NXN: variants seen among roughly 807,000 people sequenced by gnomAD.
NXN encodes nucleoredoxin 1.
Under a neutral mutation model 48.6 loss-of-function variants are expected in NXN, and 16 were observed. That is an observed-to-expected ratio of 0.33 (90% CI 0.22 to 0.50). The LOEUF is 0.50. Among genes scored for constraint, NXN ranks in the 20% least tolerant of loss-of-function variants. NXN has a pLI of 0.98. For synonymous variants in NXN, 281 were observed against 269.6 expected (o/e 1.04, Z -0.41); for missense variants, 492 against 605.5 (o/e 0.81, Z 1.97).
intron 5 of NXN, among the ~76,000 whole-genome samples, chr17:817,852 T>G (rs984094130): frequency 6.6e-6 from 1 of 152,102 alleles, no homozygotes; most frequent in Admixed American, 6.6e-5. Context: ...AGAACGCGTT[T>G]AACTCAGACT....
chr17:934,037 TA>T (rs1206643147), intron 1 of NXN, among the ~76,000 whole-genome samples: 2 of 152,254 alleles, frequency 1.3e-5, no homozygotes, highest in Non-Finnish European at 2.9e-5. Flanking sequence ...AATTAATTTT[TA>T]AAAAGGCATT....
chr17:955,869 T>C (rs1396027064), intron 1 of NXN, among the ~76,000 whole-genome samples: 1 of 148,552 alleles, frequency 6.7e-6, no homozygotes, highest in Admixed American at 6.8e-5. Flanking sequence ...GCCACTGCAC[T>C]CCAGCCTGGG....
intron 1 of NXN, among the ~76,000 whole-genome samples, chr17:957,996 C>T (rs2069190872): frequency 6.6e-6 from 1 of 152,154 alleles, no homozygotes; most frequent in Non-Finnish European, 1.5e-5. Context: ...GGAGCACGGG[C>T]AGCCCCCATC....
At chr17:803,976 T>C (rs1911346023) in intron 6 of NXN, 170 bp from the exon 7 acceptor site, 2 of 757,990 alleles carry the variant, frequency 2.6e-6, no homozygotes, top group Non-Finnish European at 4.2e-6. Flanking sequence ...TGCATGGGTG[T>C]GTGTGCACAT....
chr17:813,224 C>T (rs928956068), intron 5 of NXN, among the ~76,000 whole-genome samples: 1 of 152,242 alleles, frequency 6.6e-6, no homozygotes, highest in Non-Finnish European at 1.5e-5. Context: ...GTATTTCGGC[C>T]CAGCCTGGCC....
chr17:864,398 C>G (rs1486156435), intron 1 of NXN, among the ~76,000 whole-genome samples: 6 of 152,322 alleles, frequency 3.9e-5, no homozygotes, highest in African/African-American at 1.2e-4. Context: ...CATCTGTGTT[C>G]CCTAGTTCCA....
intron 1 of NXN, among the ~76,000 whole-genome samples, chr17:887,727 A>G (rs1222668501): frequency 6.6e-6 from 1 of 152,034 alleles, no homozygotes; most frequent in African/African-American, 2.4e-5. Flanking sequence ...GCTGGCCCCT[A>G]TGGCTTGAGG....
chr17:877,438 G>A (rs966044356), intron 1 of NXN, among the ~76,000 whole-genome samples: 8 of 152,116 alleles, frequency 5.3e-5, no homozygotes, highest in African/African-American at 9.7e-5. Flanking sequence ...GAGCCACCGC[G>A]CCCGGCCGCG....
At chr17:979,207 C>T in intron 1 of NXN, 112 bp downstream of exon 1, 8 of 361,302 alleles carry the variant, frequency 2.2e-5, no homozygotes, top group Non-Finnish European at 2.9e-5. Flanking sequence ...GGGTGGAGGG[C>T]GGGCAGGGGG....
chr17:842,951 GGAAAGAAAGAAAGAGAGAAAGAGA>G (rs1914418505), intron 1 of NXN, among the ~76,000 whole-genome samples: 1 of 127,682 alleles, frequency 7.8e-6, no homozygotes, highest in African/African-American at 2.9e-5. Flanking sequence ...AAAAAAGAAA[GGAAAGAAAGAAAGAGAGAAAGAGA>G]GAAAGAGAGA....
chr17:865,510 G>C (rs1321046005), intron 1 of NXN, among the ~76,000 whole-genome samples: 11 of 151,520 alleles, frequency 7.3e-5, no homozygotes, highest in Admixed American at 6.6e-4. Flanking sequence ...CCACAGTGCT[G>C]GTATTACAGG....
intron 1 of NXN, among the ~76,000 whole-genome samples, chr17:952,188 T>C (rs912009970): frequency 1.6e-5 from 2 of 126,088 alleles, no homozygotes; most frequent in Non-Finnish European, 3.7e-5. Flanking sequence ...GGGGCTGGGG[T>C]CAGAGAGACC....
At chr17:890,581 C>T (rs2068405834) in intron 1 of NXN, among the ~76,000 whole-genome samples, 1 of 141,110 alleles carries the variant, frequency 7.1e-6, no homozygotes, top group South Asian at 2.2e-4. Flanking sequence ...GGGGTTTTCA[C>T]CTTGTTAGCC....
Position 938,747 on chromosome 17 carries a change from T to C in NXN, c.360+40572A>G, listed in dbSNP as rs1416398932. Among the ~76,000 whole-genome samples the C allele has an allele frequency of 3.4e-5, 5 of 149,070 alleles. No individual in the cohort carries two copies. In the East Asian group the frequency reaches 1.0e-3, roughly 30 times the overall value. On this transcript the variant is annotated intron_variant, in intron 1 of 7. Coordinates refer to ENST00000336868, the MANE Select transcript of NXN (RefSeq NM_022463.5). The stretch of plus-strand genomic sequence containing the variant: ...ACAGGCAAAATCAAAAGAAAAATGA[T>C]GAAAAAGAAGATAAAATTAAGAACA...
chr17:818,208 C>T (rs1912592139), intron 5 of NXN, among the ~76,000 whole-genome samples: 1 of 152,036 alleles, frequency 6.6e-6, no homozygotes, highest in South Asian at 2.1e-4. Context: ...TTGTGGTGAG[C>T]CGAGATCACG....
chr17:963,174 G>T (rs1310023838), intron 1 of NXN, among the ~76,000 whole-genome samples: 1 of 144,100 alleles, frequency 6.9e-6, no homozygotes, highest in East Asian at 2.6e-4. Flanking sequence ...CATTTAAAAG[G>T]CTTGATTTAA....
Position 864,136 on chromosome 17 carries a change from G to C in NXN, c.361-38058C>G. ...TACCGTTGCTCACTTCCGGTGAAGG[G>C]GCACGTTCACCGTTGCTCGGTTCCG... is the stretch of plus-strand genomic sequence containing the variant. On this transcript the variant is annotated intron_variant, in intron 1 of 7. Transcript: ENST00000336868. 1.4e-6 allele frequency: 2 copies of C among 1,435,200 alleles called. 1 individual carries two copies. The highest frequency in any genetic ancestry group is 1.8e-6 in the Non-Finnish European group (2 of 1,089,170). The allele number at this position is 1,435,200 out of a possible 1,614,324, so 88.9% of individuals were successfully genotyped here. A position where few individuals can be genotyped will look rare whatever the true frequency, so the allele number is the denominator to read the frequency against.
chr17:975,205 C>T (rs1039838645), intron 1 of NXN, among the ~76,000 whole-genome samples: 1 of 152,194 alleles, frequency 6.6e-6, no homozygotes, highest in African/African-American at 2.4e-5. Context: ...GGAGCCTGTC[C>T]TGGCTGGTCC....
In NXN at chr17:863,059, A is replaced by C. The variant is rs575540858; in HGVS notation, c.361-36981T>G. On this transcript the variant is annotated intron_variant, in intron 1 of 7. Transcript: ENST00000336868. ...TCAGGGGATTGGTTCTGGGACCCCC[A>C]CATATTCCAAAATCCGCATATACTG... Among the ~76,000 whole-genome samples, 4 of 152,314 alleles carry C rather than the reference A, an allele frequency of 2.6e-5. No homozygotes were observed. In the East Asian group the frequency reaches 7.7e-4, roughly 29 times the overall value.
Sources: allele counts gnomAD v4.1 joint callset (sites outside exome capture counted in the v4.1 genomes callset), GRCh38; gene constraint gnomAD v4.1.1; transcripts MANE v1.5; gene names NCBI Gene and HGNC (gene_info 2026-07-23, HGNC 2026-07-21).